Variants in GRM3 observed in about 807,000 individuals in gnomAD.
The protein encoded by GRM3 is glutamate metabotropic receptor 3, also known as metabotropic glutamate receptor 3.
In GRM3, 26 loss-of-function variants were observed where a neutral mutation model predicts 70.5. That is an observed-to-expected ratio of 0.37 (90% CI 0.27 to 0.51). The LOEUF is 0.51. Ranked by LOEUF, GRM3 falls within the 20% of genes least tolerant of loss-of-function variation. The pLI is 0.93. For synonymous variants in GRM3, 443 were observed against 434.9 expected, an observed-to-expected ratio of 1.02 and a Z score of -0.23; for missense variants, 859 against 1,123.8, an observed-to-expected ratio of 0.76 and a Z score of 3.37.
At chr7:86,758,066 T>C (rs1358786642) in intron 1 of GRM3, among the ~76,000 whole-genome samples, 1 of 152,156 alleles carries the variant, frequency 6.6e-6, no homozygotes, top group African/African-American at 2.4e-5. Flanking sequence ...TCTTGAGCAA[T>C]TTGCTTTACT....
chr7:86,803,708 C>T (rs1422627094), intron 3 of GRM3, among the ~76,000 whole-genome samples: 1 of 152,138 alleles, frequency 6.6e-6, no homozygotes, highest in Non-Finnish European at 1.5e-5. Flanking sequence ...TCCCTGAGTG[C>T]AGGCACAGCC....
intron 1 of GRM3, among the ~76,000 whole-genome samples, chr7:86,657,211 C>G (rs1793768612): frequency 6.6e-6 from 1 of 152,166 alleles, no homozygotes; most frequent in African/African-American, 2.4e-5. Context: ...AGGCACTGGG[C>G]AAGGTACTGA....
intron 5 of GRM3, among the ~76,000 whole-genome samples, chr7:86,858,066 C>T (rs1018337628): frequency 1.3e-5 from 2 of 152,026 alleles, no homozygotes; most frequent in African/African-American, 2.4e-5. Context: ...ACACCATTCT[C>T]CTGCCTCAGC....
At chr7:86,774,077 A>G (rs555000114) in intron 2 of GRM3, among the ~76,000 whole-genome samples, 2 of 152,164 alleles carry the variant, frequency 1.3e-5, no homozygotes, top group Non-Finnish European at 2.9e-5. Context: ...ATGAATTGAA[A>G]TAGGACTGCT....
intron 1 of GRM3, among the ~76,000 whole-genome samples, chr7:86,676,595 T>C (rs988673362): frequency 6.6e-6 from 1 of 152,034 alleles, no homozygotes; most frequent in African/African-American, 2.4e-5. Flanking sequence ...GTTATCTATG[T>C]TCAAACATTA....
chr7:86,830,362 T>G (rs575188590), intron 3 of GRM3, among the ~76,000 whole-genome samples: 2 of 152,324 alleles, frequency 1.3e-5, no homozygotes, highest in South Asian at 4.1e-4. Flanking sequence ...CTGTATTGGA[T>G]TCATTCCTGT....
chr7:86,846,053 A>AGGGTT (rs151185630), intron 4 of GRM3, among the ~76,000 whole-genome samples: 11,414 of 152,132 alleles, frequency 0.075, 566 homozygotes, highest in African/African-American at 0.14. Flanking sequence ...TTTTAACATA[A>AGGGTT]GGGTTGGGGA....
chr7:86,790,687 A>G (rs553680142), intron 3 of GRM3, among the ~76,000 whole-genome samples: 2 of 152,172 alleles, frequency 1.3e-5, no homozygotes, highest in Admixed American at 1.3e-4. Context: ...ACTTCACTCC[A>G]GCCACCCTTG....
intron 1 of GRM3, among the ~76,000 whole-genome samples, chr7:86,751,578 C>T (rs1796231597): frequency 6.6e-6 from 1 of 152,074 alleles, no homozygotes. Flanking sequence ...GTAACAGTTG[C>T]CTGACTTAGA....
At chr7:86,703,632 G>C (rs542426617) in intron 1 of GRM3, among the ~76,000 whole-genome samples, 17 of 152,026 alleles carry the variant, frequency 1.1e-4, no homozygotes, top group African/African-American at 3.1e-4. Context: ...TTTTCACTTT[G>C]TTCTCTAGGA....
At chr7:86,648,946 A>C (rs1424681505) in intron 1 of GRM3, among the ~76,000 whole-genome samples, 1 of 152,158 alleles carries the variant, frequency 6.6e-6, no homozygotes, top group Non-Finnish European at 1.5e-5. Context: ...CCTAGGTTAC[A>C]CTTAGCAAGT....
At chr7:86,730,629 T>C (rs1439512970) in intron 1 of GRM3, among the ~76,000 whole-genome samples, 1 of 152,198 alleles carries the variant, frequency 6.6e-6, no homozygotes, top group Admixed American at 6.5e-5. Context: ...CCAAAATAAT[T>C]ACGTAACAAT....
intron 2 of GRM3, among the ~76,000 whole-genome samples, chr7:86,780,400 C>T (rs1374511943): frequency 1.3e-5 from 2 of 152,144 alleles, no homozygotes; most frequent in Non-Finnish European, 2.9e-5. Context: ...TCATATCTGG[C>T]CAAGTCCAGC....
chr7:86,734,465 C>T (rs748962010), intron 1 of GRM3, among the ~76,000 whole-genome samples: 9 of 152,176 alleles, frequency 5.9e-5, no homozygotes, highest in Non-Finnish European at 1.3e-4. Context: ...TATCTCTTCC[C>T]TATTTCTGCA....
At chr7:86,715,994 T>C (rs1795305049) in intron 1 of GRM3, among the ~76,000 whole-genome samples, 2 of 151,996 alleles carry the variant, frequency 1.3e-5, no homozygotes. Flanking sequence ...GATTAATAAA[T>C]GATAGTAGCA....
chr7:86,802,849 T>C (rs1308938034), intron 3 of GRM3, among the ~76,000 whole-genome samples: 1 of 152,196 alleles, frequency 6.6e-6, no homozygotes, highest in Non-Finnish European at 1.5e-5. Context: ...ATTCATGTTA[T>C]TAAGGGGTGG....
At chr7:86,677,110 A>T (rs1794325470) in intron 1 of GRM3, among the ~76,000 whole-genome samples, 1 of 151,990 alleles carries the variant, frequency 6.6e-6, no homozygotes. Flanking sequence ...AGCCCTAGGC[A>T]TCTATCTACC....
intron 3 of GRM3, among the ~76,000 whole-genome samples, chr7:86,805,498 A>G (rs1327068243): frequency 6.6e-6 from 1 of 152,166 alleles, no homozygotes; most frequent in East Asian, 1.9e-4. Context: ...TGCATTCTAT[A>G]TGTTTTAAGT....
intron 5 of GRM3, among the ~76,000 whole-genome samples, chr7:86,856,140 T>C (rs1798840986): frequency 6.6e-6 from 1 of 152,100 alleles, no homozygotes. Context: ...TATTTTTCCC[T>C]TTAGAAAGTT....
Sources: gnomAD v4.1 joint callset for allele counts (sites outside exome capture counted in the v4.1 genomes callset) on GRCh38, gnomAD v4.1.1 for gene constraint, MANE v1.5 for transcripts, NCBI Gene and HGNC (gene_info 2026-07-23, HGNC 2026-07-21) for gene names.